The following TM9SF2 variants were observed in gnomAD, a reference collection of about 807,000 sequenced individuals.
TM9SF2 encodes transmembrane 9 superfamily member 2.
A neutral mutation model predicts 84.9 loss-of-function variants in TM9SF2; 13 were observed. The ratio of observed to expected loss-of-function variants is 0.15; its 90% CI spans 0.10 to 0.24. The LOEUF (loss-of-function observed/expected upper bound fraction) is 0.24. TM9SF2 is among the 10% of genes least tolerant of loss of function. The probability of loss-of-function intolerance (pLI) is 1.00; values close to 1 mark genes in which losing one functional copy is unlikely to be tolerated. For missense variants in TM9SF2, 562 were observed against 818.5 expected (o/e 0.69, Z 3.82); for synonymous variants, 273 against 285.8 (o/e 0.96, Z 0.45).
intron 1 of TM9SF2, among the ~76,000 whole-genome samples, chr13:99,504,444 G>C (rs1594042277): frequency 6.6e-6 from 1 of 152,176 alleles, no homozygotes; most frequent in East Asian, 1.9e-4. Context: ...ATTTCTTAGA[G>C]GAAAAGTGCA....
intron 10 of TM9SF2, among the ~76,000 whole-genome samples, chr13:99,546,132 A>G (rs1312036668): frequency 2.0e-5 from 3 of 152,166 alleles, no homozygotes; most frequent in East Asian, 1.9e-4. Flanking sequence ...CCTGCTCATC[A>G]TGACTCTGGT....
chr13:99,551,303 A>G (rs1361280754), intron 12 of TM9SF2, among the ~76,000 whole-genome samples: 4 of 152,230 alleles, frequency 2.6e-5, no homozygotes, highest in Non-Finnish European at 5.9e-5. Flanking sequence ...GGCTGCTGGG[A>G]TGGAGAATAC....
chr13:99,523,942 C>A (rs1247788035), intron 3 of TM9SF2, among the ~76,000 whole-genome samples: 1 of 151,640 alleles, frequency 6.6e-6, no homozygotes, highest in African/African-American at 2.4e-5. Flanking sequence ...GAGCAGAAGA[C>A]CTGAAGCAAG....
chr13:99,555,720 T>A, intron 15 of TM9SF2, 73 bp downstream of exon 15: 1 of 879,622 alleles, frequency 1.1e-6, no homozygotes, highest in Non-Finnish European at 1.7e-6. Flanking sequence ...TGTATATTAT[T>A]AATTAAAATA....
At chr13:99,530,015 G>A (rs1249948752) in intron 4 of TM9SF2, among the ~76,000 whole-genome samples, 2 of 151,750 alleles carry the variant, frequency 1.3e-5, no homozygotes, top group Non-Finnish European at 2.9e-5. Context: ...TCTATTAAGT[G>A]TGCAATAACA....
intron 1 of TM9SF2, among the ~76,000 whole-genome samples, chr13:99,516,996 A>G (rs2046137397): frequency 6.6e-6 from 1 of 152,200 alleles, no homozygotes; most frequent in African/African-American, 2.4e-5. Flanking sequence ...ATCTATATTA[A>G]TATGATAAAT....
chr13:99,542,723 A>G (rs769278760), intron 9 of TM9SF2, among the ~76,000 whole-genome samples: 8 of 152,180 alleles, frequency 5.3e-5, no homozygotes, highest in Admixed American at 1.3e-4. Context: ...GTCTTATTAA[A>G]TATTAAAATG....
chr13:99,556,477 T>G (rs1050844010), intron 15 of TM9SF2, among the ~76,000 whole-genome samples: 1 of 152,186 alleles, frequency 6.6e-6, no homozygotes, highest in South Asian at 2.1e-4. Flanking sequence ...TCTTACAAAT[T>G]GAATCATATA....
intron 1 of TM9SF2, among the ~76,000 whole-genome samples, chr13:99,503,107 G>A (rs1024274139): frequency 6.6e-6 from 1 of 152,184 alleles, no homozygotes; most frequent in Non-Finnish European, 1.5e-5. Flanking sequence ...CTGACTGAAA[G>A]ACTGTTGTTG....
chr13:99,529,623 G>A lies in TM9SF2; in HGVS notation c.461+29G>A, dbSNP rs763766834. 2.7e-6 allele frequency: 4 copies of A among 1,490,162 alleles called. No individual in the cohort carries two copies. In the South Asian group the frequency reaches 4.2e-5, roughly 16 times the overall value. The allele number at this position is 1,490,162 out of a possible 1,614,324, so 92.3% of individuals were successfully genotyped here. ...AGGCATGAATATTTTCGATTTTGGG[G>A]TTTATCCTTTCCATATGAAATCTTT... On this transcript the variant is annotated intron_variant, in intron 4 of 16. Coordinates refer to ENST00000376387, the MANE Select transcript of TM9SF2 (RefSeq NM_004800.3).
At chr13:99,551,734 G>C (rs1330817023) in intron 12 of TM9SF2, among the ~76,000 whole-genome samples, 2 of 152,192 alleles carry the variant, frequency 1.3e-5, no homozygotes, top group Non-Finnish European at 2.9e-5. Flanking sequence ...CAAGGAATTA[G>C]TAAGTAGAAT....
chr13:99,562,559 G>A (rs1054253569), intron 16 of TM9SF2, 132 bp from the exon 17 acceptor site: 6 of 713,598 alleles, frequency 8.4e-6, no homozygotes, highest in Admixed American at 5.6e-5. Flanking sequence ...TAGATCTGTA[G>A]TATATTCCCG....
At chr13:99,511,457 AC>A (rs991468331) in intron 1 of TM9SF2, among the ~76,000 whole-genome samples, 3 of 152,170 alleles carry the variant, frequency 2.0e-5, no homozygotes, top group Non-Finnish European at 4.4e-5. Context: ...TTCTTATGAC[AC>A]TTTTGAAATT....
intron 15 of TM9SF2, among the ~76,000 whole-genome samples, chr13:99,556,177 A>ATT (rs33936299): frequency 6.6e-6 from 1 of 151,568 alleles, no homozygotes; most frequent in Non-Finnish European, 1.5e-5. Context: ...CTACTATTTA[A>ATT]TATTGTCTAT....
intron 4 of TM9SF2, among the ~76,000 whole-genome samples, chr13:99,531,165 A>C (rs2046207327): frequency 6.6e-6 from 1 of 152,132 alleles, no homozygotes; most frequent in South Asian, 2.1e-4. Flanking sequence ...CCGGTCAAAC[A>C]TAGAATATTT....
At chr13:99,524,264 C>T (rs1162988702) in intron 3 of TM9SF2, among the ~76,000 whole-genome samples, 5 of 152,122 alleles carry the variant, frequency 3.3e-5, no homozygotes, top group Admixed American at 3.3e-4. Context: ...AGGCCTTCTC[C>T]CTCATCTAAA....
intron 7 of TM9SF2, among the ~76,000 whole-genome samples, chr13:99,540,061 A>C (rs2046251474): frequency 6.6e-6 from 1 of 152,238 alleles, no homozygotes; most frequent in African/African-American, 2.4e-5. Flanking sequence ...TCAAGATTTA[A>C]TTATGAACTT....
chr13:99,547,217 G>C, intron 11 of TM9SF2, 113 bp downstream of exon 11: 1 of 1,450,374 alleles, frequency 6.9e-7, no homozygotes, highest in Non-Finnish European at 9.3e-7. Flanking sequence ...CCTCATAGGG[G>C]TCTGTTCTTA....
intron 1 of TM9SF2, among the ~76,000 whole-genome samples, chr13:99,511,694 A>G (rs2046114334): frequency 6.6e-6 from 1 of 152,244 alleles, no homozygotes; most frequent in Non-Finnish European, 1.5e-5. Flanking sequence ...TGAACTGAAT[A>G]TTCAAGCTGT....
Sources: allele counts gnomAD v4.1 joint callset (sites outside exome capture counted in the v4.1 genomes callset), GRCh38; gene constraint gnomAD v4.1.1; transcripts MANE v1.5; gene names NCBI Gene and HGNC (gene_info 2026-07-23, HGNC 2026-07-21).